The following PDCD10 variants were observed in gnomAD, a reference collection of about 807,000 sequenced individuals.
PDCD10 encodes programmed cell death protein 10.
A neutral mutation model predicts 29.2 loss-of-function variants in PDCD10; 4 were observed. The observed-to-expected ratio is 0.14, with a 90% CI of 0.07 to 0.31. The LOEUF is 0.31. Among genes scored for constraint, PDCD10 ranks in the 10% least tolerant of loss-of-function variants. The pLI is 1.00. For synonymous variants in PDCD10, 70 were observed against 82.2 expected (o/e 0.85, Z 0.80); for missense variants, 183 against 257.9 (o/e 0.71, Z 1.99).
intron 6 of PDCD10, among the ~76,000 whole-genome samples, chr3:167,692,209 A>T (rs1720319053): frequency 6.6e-6 from 1 of 152,234 alleles, no homozygotes; most frequent in South Asian, 2.1e-4. Flanking sequence ...ATCCTTTTAC[A>T]GGCCAAACAT....
At chr3:167,717,587 T>C (rs1376054527) in intron 3 of PDCD10, among the ~76,000 whole-genome samples, 1 of 148,358 alleles carries the variant, frequency 6.7e-6, no homozygotes. Context: ...ATCTTATTTA[T>C]ATGTTATGTT....
At chr3:167,733,635 G>T (rs1282563067) in intron 2 of PDCD10, among the ~76,000 whole-genome samples, 1 of 152,052 alleles carries the variant, frequency 6.6e-6, no homozygotes, top group Non-Finnish European at 1.5e-5. Context: ...TCTAGTAATG[G>T]GCACACTAAA....
chr3:167,733,589 C>T (rs1050937107), intron 2 of PDCD10, among the ~76,000 whole-genome samples: 2 of 152,070 alleles, frequency 1.3e-5, no homozygotes, highest in East Asian at 1.9e-4. Flanking sequence ...TCAAAAAAGA[C>T]GATGTTACCT....
At chr3:167,694,314 G>A (rs892041318) in intron 6 of PDCD10, 9 of 197,682 alleles carry the variant, frequency 4.6e-5, no homozygotes, top group Non-Finnish European at 8.6e-5. Flanking sequence ...GAAGAGAGAC[G>A]GGGAACCACT....
intron 2 of PDCD10, among the ~76,000 whole-genome samples, chr3:167,724,515 AGT>A (rs1723894144): frequency 6.6e-6 from 1 of 152,202 alleles, no homozygotes; most frequent in Non-Finnish European, 1.5e-5. Flanking sequence ...CCCATTTATA[AGT>A]GTGTTTCTTC....
chr3:167,728,871 T>A (rs1323112144), intron 2 of PDCD10, among the ~76,000 whole-genome samples: 1 of 152,186 alleles, frequency 6.6e-6, no homozygotes, highest in Non-Finnish European at 1.5e-5. Flanking sequence ...CAGTGACATG[T>A]CACACTGCCA....
intron 2 of PDCD10, chr3:167,725,263 G>GAAAAAA (rs57762503): frequency 1.7e-4 from 5 of 30,210 alleles, no homozygotes; most frequent in Non-Finnish European, 3.1e-4. Flanking sequence ...TCTCAAAAAA[G>GAAAAAA]AAAAAAAAAA....
chr3:167,704,616 C>A, intron 4 of PDCD10: 3 of 414,114 alleles, frequency 7.2e-6, no homozygotes, highest in East Asian at 4.2e-5. Context: ...CTCTGAAAAA[C>A]TCAGTTTCAA....
intron 3 of PDCD10, among the ~76,000 whole-genome samples, chr3:167,707,939 C>T (rs894666713): frequency 6.6e-6 from 1 of 152,088 alleles, no homozygotes; most frequent in Non-Finnish European, 1.5e-5. Context: ...TACTTCATCT[C>T]TCCTAAAAGA....
At chr3:167,733,333 T>A (rs1487341525) in intron 2 of PDCD10, among the ~76,000 whole-genome samples, 2 of 152,202 alleles carry the variant, frequency 1.3e-5, no homozygotes, top group Non-Finnish European at 2.9e-5. Flanking sequence ...TATCCAATAA[T>A]AATAGTCATG....
chr3:167,714,388 G>T (rs1046185408), intron 3 of PDCD10, among the ~76,000 whole-genome samples: 2 of 151,698 alleles, frequency 1.3e-5, no homozygotes, highest in African/African-American at 4.8e-5. Context: ...TGTGGTAAAC[G>T]ACAAGGATGC....
intron 4 of PDCD10, 60 bp downstream of exon 4, chr3:167,704,782 G>A (rs1721801471): frequency 8.7e-7 from 1 of 1,145,102 alleles, no homozygotes; most frequent in East Asian, 2.3e-5. Context: ...ACCATCACAT[G>A]TACTTACATT....
intron 3 of PDCD10, among the ~76,000 whole-genome samples, chr3:167,710,847 A>G (rs960254414): frequency 1.3e-5 from 2 of 152,250 alleles, no homozygotes; most frequent in African/African-American, 4.8e-5. Flanking sequence ...AGTTCAGCAC[A>G]GAGAGACAGA....
At position 167,697,066 on chromosome 3, in the gene PDCD10, T is replaced by C; in HGVS notation, c.211A>G (p.Ser71Gly). The C allele has an allele frequency of 3.1e-6, 5 of 1,609,252 alleles. No homozygotes were observed. The highest frequency in any genetic ancestry group is 2.7e-5 in the African/African-American group (2 of 74,992). Residue 71 changes from serine (S) to glycine (G), a missense_variant, in exon 5 of 9, where the codon AGC becomes GGC. Coordinates refer to ENST00000392750, the MANE Select transcript of PDCD10 (RefSeq NM_007217.4). ...DIIMKILEKK[S>G]VEVNFTESLL... ...GACTCCGTGAAGTTAACTTCCACGCTTTTTTTCTCTAAAATTTTCATAATG... is the reference window on the plus strand; with the variant it reads ...GACTCCGTGAAGTTAACTTCCACGCCTTTTTTCTCTAAAATTTTCATAATG...
At chr3:167,688,834 A>G (rs1037058219) in intron 6 of PDCD10, among the ~76,000 whole-genome samples, 5 of 152,214 alleles carry the variant, frequency 3.3e-5, no homozygotes, top group Non-Finnish European at 5.9e-5. Context: ...AAACATTTCA[A>G]CATTCCTATT....
At chr3:167,699,535 A>C (rs1721159695) in intron 4 of PDCD10, among the ~76,000 whole-genome samples, 1 of 152,240 alleles carries the variant, frequency 6.6e-6, no homozygotes. Flanking sequence ...CTGACTGACA[A>C]AATGAATAAA....
intron 4 of PDCD10, among the ~76,000 whole-genome samples, chr3:167,703,053 A>T (rs540411027): frequency 6.6e-6 from 1 of 152,244 alleles, no homozygotes; most frequent in Non-Finnish European, 1.5e-5. Context: ...TTATTTTATG[A>T]ATGTCATTGA....
chr3:167,687,475 A>G lies in PDCD10; in HGVS notation c.474+140T>C, dbSNP rs370669838. ...AGTACTCACTTTTAAATAAAAAGGC[A>G]TATTTAAATTCAAGAATAAACTCAA... On this transcript the variant is annotated intron_variant, in intron 7 of 8. Coordinates refer to ENST00000392750, the MANE Select transcript of PDCD10 (RefSeq NM_007217.4). 22 of 732,606 alleles carry G rather than the reference A, an allele frequency of 3.0e-5. No individual in the cohort carries two copies. The East Asian group carries it at 5.1e-4, about 17-fold the overall frequency. 45.4% of individuals were successfully genotyped at this position (732,606 alleles called of 1,614,324 possible). A position where few individuals can be genotyped will look rare whatever the true frequency, so the allele number is the denominator to read the frequency against.
At chr3:167,702,260 C>G (rs1444559012) in intron 4 of PDCD10, among the ~76,000 whole-genome samples, 1 of 152,150 alleles carries the variant, frequency 6.6e-6, no homozygotes, top group East Asian at 1.9e-4. Flanking sequence ...CAAGACCAAC[C>G]CCTTCTCTTC....
Sources: allele counts gnomAD v4.1 joint callset (sites outside exome capture counted in the v4.1 genomes callset), GRCh38; gene constraint gnomAD v4.1.1; transcripts MANE v1.5; gene names NCBI Gene and HGNC (gene_info 2026-07-23, HGNC 2026-07-21).